Variants in SUMF1 observed in about 807,000 individuals in gnomAD.
SUMF1 encodes formylglycine-generating enzyme.
A neutral mutation model predicts 47.6 loss-of-function variants in SUMF1; 48 were observed. That is an observed-to-expected ratio of 1.01 (90% CI 0.80 to 1.28). SUMF1 has a LOEUF of 1.28. Ranked by LOEUF, SUMF1 falls within the 50% of genes most tolerant of loss-of-function variation. The probability of loss-of-function intolerance (pLI) is 0.00; values close to 1 mark genes in which losing one functional copy is unlikely to be tolerated. For missense variants in SUMF1, 571 were observed against 485.4 expected, an observed-to-expected ratio of 1.18 and a Z score of -1.66; for synonymous variants, 230 against 192.1, an observed-to-expected ratio of 1.20 and a Z score of -1.63.
At chr3:4,259,411 G>T (rs13087536) in intron 8 of SUMF1, among the ~76,000 whole-genome samples, 1 of 151,910 alleles carries the variant, frequency 6.6e-6, no homozygotes, top group Non-Finnish European at 1.5e-5. Flanking sequence ...AGCATTTAGG[G>T]AATCTGCAGT....
chr3:4,107,628 C>G (rs951010865), intron 8 of SUMF1, among the ~76,000 whole-genome samples: 1 of 152,048 alleles, frequency 6.6e-6, no homozygotes, highest in Non-Finnish European at 1.5e-5. Flanking sequence ...CCATTCAGCC[C>G]TCTAGTGGAA....
intron 8 of SUMF1, among the ~76,000 whole-genome samples, chr3:4,288,143 G>A (rs1001316787): frequency 6.6e-6 from 1 of 152,186 alleles, no homozygotes. Flanking sequence ...TAGGGAAGGT[G>A]AGGAATATAC....
At chr3:4,037,088 G>A (rs998676165) in intron 9 of SUMF1, among the ~76,000 whole-genome samples, 1 of 152,058 alleles carries the variant, frequency 6.6e-6, no homozygotes, top group Non-Finnish European at 1.5e-5. Context: ...TCCCAAACTA[G>A]ACTACACCAC....
chr3:4,464,239 G>A (rs1034018662), intron 1 of SUMF1, among the ~76,000 whole-genome samples: 3 of 151,326 alleles, frequency 2.0e-5, no homozygotes, highest in African/African-American at 7.3e-5. Context: ...TCCCAGCTCC[G>A]AAAAATATTT....
At chr3:4,240,432 T>G (rs191580019) in intron 8 of SUMF1, among the ~76,000 whole-genome samples, 60 of 152,192 alleles carry the variant, frequency 3.9e-4, no homozygotes, top group African/African-American at 1.2e-3. Context: ...AGTTAAAGTT[T>G]GTGATGGTAA....
chr3:4,244,867 T>C (rs1483303497), intron 8 of SUMF1, among the ~76,000 whole-genome samples: 1 of 151,978 alleles, frequency 6.6e-6, no homozygotes. Flanking sequence ...ATTCTCCCCA[T>C]ACACCAGTCA....
chr3:4,269,086 G>A (rs1697255762), intron 8 of SUMF1, among the ~76,000 whole-genome samples: 1 of 152,136 alleles, frequency 6.6e-6, no homozygotes, highest in East Asian at 1.9e-4. Context: ...CCAGATCAGT[G>A]ATGATCCTTG....
intron 3 of SUMF1, among the ~76,000 whole-genome samples, chr3:4,436,297 T>C (rs1702395057): frequency 1.3e-5 from 2 of 152,210 alleles, no homozygotes; most frequent in Admixed American, 6.5e-5. Flanking sequence ...AGTGTTAAAA[T>C]GTTAACACTA....
intron 4 of SUMF1, among the ~76,000 whole-genome samples, chr3:4,419,677 G>C (rs1701827086): frequency 6.6e-6 from 1 of 152,084 alleles, no homozygotes; most frequent in South Asian, 2.1e-4. Flanking sequence ...TGGCAACCTG[G>C]GAGGACACAA....
chr3:4,352,102 A>C (rs182043431), intron 8 of SUMF1, among the ~76,000 whole-genome samples: 5 of 152,138 alleles, frequency 3.3e-5, no homozygotes, highest in Admixed American at 1.3e-4. Context: ...TTGCCCCAGT[A>C]ATCTCCCGTC....
intron 8 of SUMF1, among the ~76,000 whole-genome samples, chr3:4,139,414 A>C (rs939881084): frequency 6.6e-6 from 1 of 151,974 alleles, no homozygotes; most frequent in African/African-American, 2.4e-5. Flanking sequence ...GTGAGAATCA[A>C]TTGGCAATAT....
intron 8 of SUMF1, among the ~76,000 whole-genome samples, chr3:4,151,883 C>A (rs1199950870): frequency 6.6e-6 from 1 of 151,404 alleles, no homozygotes; most frequent in African/African-American, 2.5e-5. Context: ...AACTGACCTT[C>A]CCATGTAAGC....
chr3:4,038,565 T>A (rs748557489), intron 9 of SUMF1, among the ~76,000 whole-genome samples: 4 of 152,126 alleles, frequency 2.6e-5, no homozygotes, highest in Non-Finnish European at 5.9e-5. Context: ...GTGGGGCAGC[T>A]GCACTGTTGG....
At chr3:4,232,340 A>G (rs1016148194) in intron 8 of SUMF1, among the ~76,000 whole-genome samples, 6 of 152,128 alleles carry the variant, frequency 3.9e-5, no homozygotes, top group African/African-American at 1.4e-4. Context: ...CCCGCGATGA[A>G]TAATATCCAA....
intron 9 of SUMF1, among the ~76,000 whole-genome samples, chr3:4,050,748 C>CAAAAAAAA (rs34228101): frequency 3.4e-5 from 3 of 86,978 alleles, no homozygotes; most frequent in African/African-American, 1.2e-4. Context: ...GACCCTGTCT[C>CAAAAAAAA]AAAAAAAAAA....
Position 4,452,937 on chromosome 3 carries a change from G to A in SUMF1, c.383C>T (p.Ala128Val). The A allele has an allele frequency of 6.2e-7, 1 of 1,614,110 alleles. No individual in the cohort carries two copies. The highest frequency in any genetic ancestry group is 8.5e-7 in the Non-Finnish European group (1 of 1,180,026). Reference sequence around the variant, plus strand: ...AAATTCAGTATTACTGACTTCATAGGCATCCATGTAAAAGGCATCAATAGT... The same window carrying A: ...AAATTCAGTATTACTGACTTCATAGACATCCATGTAAAAGGCATCAATAGT... ...RVTIDAFYMD[A>V]YEVSNTEFEK... is the part of the protein sequence containing the mutation. Residue 128 changes from alanine to valine, a missense_variant, in exon 2 of 9, where the codon GCC (alanine) becomes GTC (valine). By Grantham distance (64) the Ala-to-Val change is moderately conservative. Coordinates refer to ENST00000272902, the MANE Select transcript of SUMF1 (RefSeq NM_182760.4).
rs536696092 is a variant in SUMF1, at chr3:4,040,644, G to A, written c.1191+27925C>T. 1.1e-3 allele frequency among the ~76,000 whole-genome samples: 167 copies of A among 152,294 alleles called. 1 individual carries two copies. The highest frequency in any genetic ancestry group is 1.7e-3 in the Non-Finnish European group (113 of 68,024). On this transcript the variant is annotated intron_variant and NMD_transcript_variant, in intron 9 of 12. Transcript: ENST00000448413. ...TGGGTATAAAACCTAAAGAAGTGAA[G>A]AATGTCTGAGATTTGATTTAGCAGC... is the stretch of plus-strand genomic sequence containing the variant.
intron 8 of SUMF1, chr3:4,317,120 G>T: frequency 6.5e-7 from 1 of 1,545,404 alleles, no homozygotes; most frequent in Non-Finnish European, 8.7e-7. Context: ...ACAACCAGCA[G>T]GATGCAGAAA....
At chr3:4,155,428 G>A (rs1694430852) in intron 8 of SUMF1, among the ~76,000 whole-genome samples, 1 of 151,570 alleles carries the variant, frequency 6.6e-6, no homozygotes, top group South Asian at 2.1e-4. Context: ...CTTTAGGCAT[G>A]CGATGTTCTC....
Sources: gnomAD v4.1 joint callset for allele counts (sites outside exome capture counted in the v4.1 genomes callset) on GRCh38, gnomAD v4.1.1 for gene constraint, MANE v1.5 for transcripts, NCBI Gene and HGNC (gene_info 2026-07-23, HGNC 2026-07-21) for gene names.